Variants in PCDHA3 observed in about 807,000 individuals in gnomAD.
The protein encoded by PCDHA3 is protocadherin alpha 3.
PCDHA3 carries 41 observed loss-of-function variants against 62.2 expected under a neutral mutation model. The ratio of observed to expected loss-of-function variants is 0.66; its 90% CI spans 0.51 to 0.86. The LOEUF (loss-of-function observed/expected upper bound fraction) is 0.86, where lower values mean the gene tolerates loss of function less well. Ranked by LOEUF, PCDHA3 falls within the 40% of genes least tolerant of loss-of-function variation. PCDHA3 has a pLI of 0.00. For missense variants in PCDHA3, 1,304 were observed against 1,241.2 expected (o/e 1.05, Z -0.76); for synonymous variants, 640 against 555.4 (o/e 1.15, Z -2.14).
rs2150481725 is a variant in PCDHA3, at chr5:140,850,382, C to A, written c.2394+46791C>A. On this transcript the variant is annotated intron_variant, in intron 1 of 3. Transcript: ENST00000522353. ...CGTTCCGCGTGGGGCTGTACACGGG[C>A]GAGATCAGCACAACGCGTGCCCTGG... 3.2e-5 allele frequency: 51 copies of A among 1,597,762 alleles called. 3 individuals are homozygous for A. In the African/African-American group the frequency reaches 5.9e-4, roughly 19 times the overall value.
chr5:140,848,428 C>A lies in PCDHA3; in HGVS notation c.2394+44837C>A, dbSNP rs2150410339. 6.6e-5 allele frequency: 95 copies of A among 1,449,944 alleles called. 7 individuals are homozygous for A. The highest frequency in any genetic ancestry group is 8.7e-5 in the Non-Finnish European group (92 of 1,058,798). The allele number at this position is 1,449,944 out of a possible 1,614,324, so 89.8% of individuals were successfully genotyped here. A position where few individuals can be genotyped will look rare whatever the true frequency, so the allele number is the denominator to read the frequency against. On this transcript the variant is annotated intron_variant, in intron 1 of 3. Transcript: ENST00000522353. ...GGCGAACACAGCAGAATGGGACTGA[C>A]GAAATCAGATGATTTCTTCTAATTT...
At chr5:140,806,454 A>C (rs535584535) in intron 1 of PCDHA3, among the ~76,000 whole-genome samples, 1 of 152,350 alleles carries the variant, frequency 6.6e-6, no homozygotes, top group Admixed American at 6.5e-5. Context: ...GCTATTTGCT[A>C]TAACTTCCTG....
chr5:140,987,277 A>C (rs1326809190), intron 3 of PCDHA3, among the ~76,000 whole-genome samples: 2 of 152,122 alleles, frequency 1.3e-5, no homozygotes, highest in African/African-American at 4.8e-5. Flanking sequence ...CCGGCAGTCT[A>C]TGTTTTAACA....
rs146587864 is a variant in PCDHA3 at position 140,950,030 on chromosome 5, A to G, written c.2395-28919A>G. Among the ~76,000 whole-genome samples the G allele has an allele frequency of 2.6e-4, 39 of 152,064 alleles. 1 individual carries two copies. The East Asian group carries it at 4.8e-3, about 19-fold the overall frequency. On this transcript the variant is annotated intron_variant, in intron 1 of 3. Transcript: ENST00000522353. ...TGTACAACCTTCATAAAATATAGAA[A>G]AGTTACAACCATATAAGACTATTTA...
intron 1 of PCDHA3, among the ~76,000 whole-genome samples, chr5:140,896,683 C>T (rs2153454060): frequency 6.6e-6 from 1 of 152,068 alleles, no homozygotes; most frequent in South Asian, 2.1e-4. Context: ...GGCCCTTTGC[C>T]CATTTTTTGA....
chr5:140,954,992 G>A (rs1017301016), intron 1 of PCDHA3, among the ~76,000 whole-genome samples: 1 of 152,094 alleles, frequency 6.6e-6, no homozygotes, highest in Non-Finnish European at 1.5e-5. Flanking sequence ...TTCTGCATAT[G>A]GCTAGCCAAT....
chr5:140,802,903 G>C lies in PCDHA3; in HGVS notation c.1706G>C (p.Arg569Pro). Residue 569 changes from arginine to proline, a missense_variant, in exon 1 of 4, where the codon CGG (arginine) becomes CCG (proline). Arg to Pro is a moderately radical substitution (Grantham distance 103). Coordinates refer to ENST00000522353, the MANE Select transcript of PCDHA3 (RefSeq NM_018906.3). Reference protein sequence around the residue: ...NDNAPALLMPRVGGIGGAVSE... With the variant: ...NDNAPALLMPPVGGIGGAVSE... ...AACGCGCCGGCACTGCTGATGCCTC[G>C]GGTGGGTGGCATCGGTGGCGCAGTG... 1 of 1,613,792 alleles carries C rather than the reference G, an allele frequency of 6.2e-7. No homozygotes were observed. Among genetic ancestry groups the C allele is most frequent in the East Asian group, 2.2e-5 (1 of 44,874 alleles).
chr5:140,850,871 C>T (rs2041861877), intron 1 of PCDHA3: 1 of 1,591,984 alleles, frequency 6.3e-7, no homozygotes, highest in Admixed American at 1.7e-5. Flanking sequence ...CCTCTGCTTC[C>T]TCAGATTCAA....
intron 1 of PCDHA3, chr5:140,884,726 T>A: frequency 6.9e-7 from 1 of 1,455,756 alleles, no homozygotes; most frequent in Non-Finnish European, 9.1e-7. Flanking sequence ...GTTGTTTGTT[T>A]AAGACATCTT....
At chr5:140,828,445 T>C in intron 1 of PCDHA3, 1 of 1,614,218 alleles carries the variant, frequency 6.2e-7, no homozygotes. Flanking sequence ...AGGTTTTCCA[T>C]GTGGACGTGG....
chr5:140,860,471 C>T (rs566732753), intron 1 of PCDHA3: 1 of 152,040 alleles, frequency 6.6e-6, no homozygotes, highest in Admixed American at 6.6e-5. Context: ...ACAGTTGGTG[C>T]AGTAGTACTT....
At position 140,807,960 on chromosome 5, in the gene PCDHA3, G is replaced by A. The variant is rs782007660; in HGVS notation, c.2394+4369G>A. 5 of 1,614,086 alleles carry A rather than the reference G, an allele frequency of 3.1e-6. No homozygotes were observed. In the South Asian group the frequency reaches 4.4e-5, roughly 14 times the overall value. ...AGATTACTAGAAAATGTTCCTAATGGAACATTGGTAATTAAACTTAACGCC... is the reference window on the plus strand; with the variant it reads ...AGATTACTAGAAAATGTTCCTAATGAAACATTGGTAATTAAACTTAACGCC... On this transcript the variant is annotated intron_variant, in intron 1 of 3. Coordinates refer to ENST00000522353, the MANE Select transcript of PCDHA3 (RefSeq NM_018906.3).
chr5:140,841,146 C>T, intron 1 of PCDHA3: 1 of 755,204 alleles, frequency 1.3e-6, no homozygotes, highest in Non-Finnish European at 2.1e-6. Flanking sequence ...CACATGATGT[C>T]GCTGTCTACC....
At chr5:140,806,941 A>T in intron 1 of PCDHA3, 3 of 566,622 alleles carry the variant, frequency 5.3e-6, no homozygotes, top group Non-Finnish European at 9.4e-6. Context: ...AGTTTACAGT[A>T]GAGTGTGTGG....
intron 1 of PCDHA3, among the ~76,000 whole-genome samples, chr5:140,903,538 C>G (rs562932214): frequency 7.9e-5 from 12 of 152,208 alleles, no homozygotes; most frequent in African/African-American, 2.6e-4. Context: ...TAAACTAGAG[C>G]AAGAAACTTT....
chr5:140,822,587 G>T (rs2150117559), intron 1 of PCDHA3: 36 of 1,609,596 alleles, frequency 2.2e-5, no homozygotes, highest in Middle Eastern at 1.6e-4. Flanking sequence ...GCAGATGAGG[G>T]CATCAATAAG....
chr5:140,961,915 G>T (rs1393178053), intron 1 of PCDHA3, among the ~76,000 whole-genome samples: 4 of 146,912 alleles, frequency 2.7e-5, no homozygotes, highest in Non-Finnish European at 4.5e-5. Context: ...ATGGAGTCTC[G>T]CTCTGTTGCC....
chr5:140,899,019 G>A (rs2067099712), intron 1 of PCDHA3, among the ~76,000 whole-genome samples: 1 of 151,834 alleles, frequency 6.6e-6, no homozygotes, highest in African/African-American at 2.4e-5. Flanking sequence ...AAGAATGCTT[G>A]TGATTTTTGT....
At chr5:140,807,461 C>A (rs1554124029) in intron 1 of PCDHA3, 3 of 1,608,438 alleles carry the variant, frequency 1.9e-6, no homozygotes, top group East Asian at 2.2e-5. Flanking sequence ...TCGGATCGAC[C>A]GGGAGGAGCT....
Sources: allele counts gnomAD v4.1 joint callset (sites outside exome capture counted in the v4.1 genomes callset), GRCh38; gene constraint gnomAD v4.1.1; transcripts MANE v1.5; gene names NCBI Gene and HGNC (gene_info 2026-07-23, HGNC 2026-07-21).